ZNF804A: variants seen among roughly 807,000 people sequenced by gnomAD.
ZNF804A encodes the protein zinc finger protein 804A.
In ZNF804A, 2 loss-of-function variants were observed where a neutral mutation model predicts 16.5. That is an observed-to-expected ratio of 0.12 (90% confidence interval 0.05 to 0.38). ZNF804A has a LOEUF of 0.38. Among genes scored for constraint, ZNF804A ranks in the 10% least tolerant of loss-of-function variants. The pLI, the probability that ZNF804A is intolerant of heterozygous loss-of-function variation, is 0.99. For synonymous variants in ZNF804A, 534 were observed against 489.6 expected (o/e 1.09, Z -1.20); for missense variants, 1,473 against 1,390.7 (o/e 1.06, Z -0.94).
intron 2 of ZNF804A, among the ~76,000 whole-genome samples, chr2:184,923,704 A>C (rs1322451023): frequency 6.6e-6 from 1 of 151,936 alleles, no homozygotes; most frequent in Non-Finnish European, 1.5e-5. Context: ...TATGGCTTTT[A>C]TTATGTTGAG....
Position 184,823,618 on chromosome 2 carries a change from A to T in ZNF804A, c.112-42751A>T, listed in dbSNP as rs192673833. Among the ~76,000 whole-genome samples the T allele has an allele frequency of 3.7e-4, 56 of 152,240 alleles. 1 individual carries two copies. Among genetic ancestry groups the T allele is most frequent in the Admixed American group, 6.6e-4 (10 of 15,244 alleles). ...AACAAATATGCCATTAATGTGTGAT[A>T]TACGTATTTTTTTATTGGATATACA... On this transcript the variant is annotated intron_variant, in intron 1 of 3. Transcript: ENST00000302277.
chr2:184,894,581 G>T (rs574192443), intron 2 of ZNF804A, among the ~76,000 whole-genome samples: 7 of 151,576 alleles, frequency 4.6e-5, no homozygotes, highest in African/African-American at 1.7e-4. Flanking sequence ...AATTACCCTT[G>T]ATCTCTAATA....
intron 1 of ZNF804A, among the ~76,000 whole-genome samples, chr2:184,707,974 G>A (rs1374800506): frequency 2.6e-5 from 4 of 151,954 alleles, no homozygotes; most frequent in African/African-American, 4.8e-5. Context: ...TTTACTAATA[G>A]CCATTCTGAC....
chr2:184,762,484 T>G (rs895359503), intron 1 of ZNF804A, among the ~76,000 whole-genome samples: 1 of 151,958 alleles, frequency 6.6e-6, no homozygotes, highest in Admixed American at 6.6e-5. Flanking sequence ...GTTTATAAAA[T>G]TAAAAAATAT....
rs1461500224 is a variant in ZNF804A, at chr2:184,687,533, A to G, written c.111+88463A>G. 9.2e-5 allele frequency among the ~76,000 whole-genome samples: 14 copies of G among 152,244 alleles called. 1 individual carries two copies. The highest frequency in any genetic ancestry group is 3.1e-4 in the African/African-American group (13 of 41,472). The stretch of plus-strand genomic sequence containing the variant: ...TGATTTATACTTATTTAAAAGACAT[A>G]ACACAAGGACTAAAATTCACTACCA... On this transcript the variant is annotated intron_variant, in intron 1 of 3. Transcript: ENST00000302277.
intron 2 of ZNF804A, among the ~76,000 whole-genome samples, chr2:184,893,516 C>G (rs936177706): frequency 1.4e-5 from 2 of 146,804 alleles, no homozygotes; most frequent in African/African-American, 5.3e-5. Flanking sequence ...GTTAAATTTT[C>G]AAATGCAAGT....
chr2:184,925,365 T>C (rs2105838772), intron 2 of ZNF804A, among the ~76,000 whole-genome samples: 1 of 152,188 alleles, frequency 6.6e-6, no homozygotes, highest in African/African-American at 2.4e-5. Context: ...TATCCTTTCT[T>C]GGTTTCCATT....
chr2:184,619,377 G>T (rs532667307), intron 1 of ZNF804A, among the ~76,000 whole-genome samples: 1 of 151,748 alleles, frequency 6.6e-6, no homozygotes, highest in Non-Finnish European at 1.5e-5. Context: ...CAAGTTATAT[G>T]AATAGAATTG....
intron 1 of ZNF804A, among the ~76,000 whole-genome samples, chr2:184,843,804 T>C (rs1033202757): frequency 2.0e-5 from 3 of 151,792 alleles, no homozygotes; most frequent in Non-Finnish European, 4.4e-5. Context: ...ACAAAAATAG[T>C]TAGTCTGGCT....
intron 1 of ZNF804A, among the ~76,000 whole-genome samples, chr2:184,751,013 C>T (rs990828590): frequency 2.6e-5 from 4 of 151,326 alleles, no homozygotes; most frequent in African/African-American, 9.7e-5. Context: ...AGGATATTCC[C>T]CTGTTTTTAA....
intron 1 of ZNF804A, among the ~76,000 whole-genome samples, chr2:184,820,257 T>G (rs1192907135): frequency 2.0e-5 from 3 of 152,052 alleles, no homozygotes; most frequent in Admixed American, 6.6e-5. Flanking sequence ...ACAAGGTTGG[T>G]TCAACATACG....
intron 1 of ZNF804A, among the ~76,000 whole-genome samples, chr2:184,679,794 A>T (rs554465977): frequency 6.6e-6 from 1 of 152,212 alleles, no homozygotes; most frequent in Non-Finnish European, 1.5e-5. Flanking sequence ...ATGGGCTGGG[A>T]GGCTCCCCTT....
chr2:184,747,723 T>C (rs935534636), intron 1 of ZNF804A, among the ~76,000 whole-genome samples: 3 of 151,364 alleles, frequency 2.0e-5, no homozygotes, highest in South Asian at 2.1e-4. Context: ...AGGAGGTACA[T>C]GTGTAGGATG....
chr2:184,642,289 T>C (rs931567302), intron 1 of ZNF804A, among the ~76,000 whole-genome samples: 1 of 152,170 alleles, frequency 6.6e-6, no homozygotes, highest in African/African-American at 2.4e-5. Context: ...TTGTTAATAT[T>C]TGTGCCTAAA....
intron 1 of ZNF804A, among the ~76,000 whole-genome samples, chr2:184,859,961 G>A (rs1347705710): frequency 1.3e-5 from 2 of 152,230 alleles, no homozygotes; most frequent in Non-Finnish European, 2.9e-5. Flanking sequence ...CTACCCACTA[G>A]GAAGGGTTTG....
intron 2 of ZNF804A, among the ~76,000 whole-genome samples, chr2:184,933,007 A>G (rs1490546622): frequency 1.3e-5 from 2 of 152,134 alleles, no homozygotes; most frequent in African/African-American, 4.8e-5. Flanking sequence ...AAACCACATC[A>G]GGAGAGATCA....
chr2:184,830,636 C>G (rs1471962598), intron 1 of ZNF804A, among the ~76,000 whole-genome samples: 7 of 152,036 alleles, frequency 4.6e-5, no homozygotes. Context: ...AACTCTGATC[C>G]TTTTGTCAGT....
At chr2:184,893,755 A>G (rs1230947001) in intron 2 of ZNF804A, among the ~76,000 whole-genome samples, 2 of 152,136 alleles carry the variant, frequency 1.3e-5, no homozygotes, top group African/African-American at 4.8e-5. Flanking sequence ...CTTTGTGAAG[A>G]TCATGTTTGA....
intron 1 of ZNF804A, among the ~76,000 whole-genome samples, chr2:184,847,412 T>G (rs1162257706): frequency 1.3e-5 from 2 of 152,132 alleles, no homozygotes; most frequent in Non-Finnish European, 2.9e-5. Context: ...CAAAATCATC[T>G]TATGATCCAT....
Sources: allele counts gnomAD v4.1 joint callset (sites outside exome capture counted in the v4.1 genomes callset), GRCh38; gene constraint gnomAD v4.1.1; transcripts MANE v1.5; gene names NCBI Gene and HGNC (gene_info 2026-07-23, HGNC 2026-07-21).